CDHR2: variants seen among roughly 807,000 people sequenced by gnomAD.
The protein encoded by CDHR2 is cadherin related family member 2.
In CDHR2, 104 loss-of-function variants were observed where a neutral mutation model predicts 138.6. The observed-to-expected ratio is 0.75, with a 90% CI of 0.64 to 0.88. CDHR2 has a LOEUF of 0.88. CDHR2 is among the 40% of genes least tolerant of loss of function. CDHR2 has a pLI of 0.00. For synonymous variants in CDHR2, 755 were observed against 742.8 expected, an observed-to-expected ratio of 1.02 and a Z score of -0.27; for missense variants, 1,624 against 1,727.6, an observed-to-expected ratio of 0.94 and a Z score of 1.06.
intron 5 of CDHR2, among the ~76,000 whole-genome samples, chr5:176,570,825 T>A (rs1162782309): frequency 1.3e-5 from 2 of 151,550 alleles, no homozygotes; most frequent in Non-Finnish European, 2.9e-5. Context: ...GTGGTGCATG[T>A]CTGTAATCCC....
intron 1 of CDHR2, among the ~76,000 whole-genome samples, chr5:176,558,802 G>C (rs1185019490): frequency 6.6e-6 from 1 of 152,234 alleles, no homozygotes; most frequent in African/African-American, 2.4e-5. Context: ...TTACGGGCGT[G>C]AGCCACCGCG....
At position 176,571,287 on chromosome 5, in the gene CDHR2, C is replaced by T. The variant is rs1457075279; in HGVS notation, c.390C>T (p.Ser130=). The T allele has an allele frequency of 6.2e-7, 1 of 1,607,634 alleles. No individual in the cohort carries two copies. Among genetic ancestry groups the T allele is most frequent in the Admixed American group, 1.7e-5 (1 of 59,256 alleles). ...NAPVFQNTAF[S]TSINETLPVG... ...CCGTTTTCCAGAACACCGCTTTCTCCACCAGCATCAACGAGGTGACACCTG... is the reference window on the plus strand; with the variant it reads ...CCGTTTTCCAGAACACCGCTTTCTCTACCAGCATCAACGAGGTGACACCTG... The change falls in exon 6 of 32, where the codon TCC becomes TCT. Residue 130 remains serine (S), a synonymous_variant. Transcript: ENST00000261944.
At chr5:176,579,496 G>C (rs895757293) in intron 16 of CDHR2, among the ~76,000 whole-genome samples, 3 of 152,082 alleles carry the variant, frequency 2.0e-5, no homozygotes, top group Non-Finnish European at 4.4e-5. Flanking sequence ...TTCTCCCCTG[G>C]TCTGTGAGCT....
At chr5:176,592,508 TATG>T (rs1377033526) in intron 30 of CDHR2, among the ~76,000 whole-genome samples, 1 of 102,654 alleles carries the variant, frequency 9.7e-6, no homozygotes, top group East Asian at 3.2e-4. Flanking sequence ...TGATAGTGAT[TATG>T]ATGATAGTGG....
intron 1 of CDHR2, among the ~76,000 whole-genome samples, chr5:176,552,038 CAG>C (rs1487822969): frequency 1.3e-5 from 2 of 152,200 alleles, no homozygotes; most frequent in Admixed American, 6.5e-5. Context: ...AAGGAGCAAA[CAG>C]AGAAAAGAGC....
intron 1 of CDHR2, among the ~76,000 whole-genome samples, chr5:176,556,539 C>T (rs933098385): frequency 6.6e-6 from 1 of 152,290 alleles, no homozygotes; most frequent in East Asian, 1.9e-4. Context: ...GTGGCAGGCA[C>T]CTGTAGTCCC....
At chr5:176,578,826 G>A (rs79995604) in intron 16 of CDHR2, among the ~76,000 whole-genome samples, 1,956 of 152,192 alleles carry the variant, frequency 0.013, 26 homozygotes, top group Middle Eastern at 0.037. Flanking sequence ...CTCAGCACTG[G>A]GCCTGCCAGA....
intron 5 of CDHR2, 78 bp downstream of exon 5, chr5:176,569,088 G>A (rs1202249558): frequency 7.4e-7 from 1 of 1,354,662 alleles, no homozygotes; most frequent in Non-Finnish European, 1.0e-6. Flanking sequence ...CCGGCAAGCG[G>A]ACGGTGCCCC....
At position 176,585,998 on chromosome 5, in the gene CDHR2, T is replaced by C; in HGVS notation, c.2779T>C (p.Tyr927His). ...TGAGGACGTGAATGACAATGCACCC[T>C]ATTTTCTGCCTGAGAATAAGACTTT... ...TIEDVNDNAPYFLPENKTFVI... is the reference protein window; with the variant it reads ...TIEDVNDNAPHFLPENKTFVI... Residue 927 changes from tyrosine (Y) to histidine (H), a missense_variant, in exon 20 of 32, where the codon TAT becomes CAT. By Grantham distance (83) the Tyr-to-His change is moderately conservative. Around this residue, in one of 3 missense-constraint regions of CDHR2, gnomAD observed 556 missense variants for 565.7 expected, o/e 0.98. Transcript: ENST00000261944. The C allele has an allele frequency of 6.2e-7, 1 of 1,614,042 alleles. No homozygotes were observed. The highest frequency in any genetic ancestry group is 8.5e-7 in the Non-Finnish European group (1 of 1,179,936).
intron 1 of CDHR2, among the ~76,000 whole-genome samples, chr5:176,555,975 T>C (rs1244934054): frequency 6.6e-6 from 1 of 152,164 alleles, no homozygotes; most frequent in African/African-American, 2.4e-5. Flanking sequence ...GAAACATCCT[T>C]CCTGTGTCTC....
rs1034223113 is a variant in CDHR2 at position 176,553,092 on chromosome 5, C to T, written c.-16+3678C>T. ...ACACTTCCATGAGGGAGAAGCGTGG[C>T]GTGTATGGGGAAGGGGCTGTAGGGG... On this transcript the variant is annotated intron_variant, in intron 1 of 31. Coordinates refer to ENST00000261944, the MANE Select transcript of CDHR2 (RefSeq NM_017675.6). This position sits in a 1 kb window ranked among gnomAD's most constrained non-coding sequence, Gnocchi z 4.3. 1.3e-5 allele frequency among the ~76,000 whole-genome samples: 2 copies of T among 151,688 alleles called. No individual in the cohort carries two copies. Among genetic ancestry groups the T allele is most frequent in the Non-Finnish European group, 2.9e-5 (2 of 67,946 alleles).
At chr5:176,560,395 T>A (rs990386250) in intron 1 of CDHR2, among the ~76,000 whole-genome samples, 1 of 150,692 alleles carries the variant, frequency 6.6e-6, no homozygotes, top group Non-Finnish European at 1.5e-5. Flanking sequence ...AAACTCTGTC[T>A]CAATAAATAA....
Position 176,595,716 on chromosome 5 carries a change from C to G in CDHR2, c.*44C>G. 6.8e-7 allele frequency: 1 copy of G among 1,466,592 alleles called. No homozygotes were observed. The highest frequency in any genetic ancestry group is 9.1e-7 in the Non-Finnish European group (1 of 1,100,564). 90.8% of individuals were successfully genotyped at this position (1,466,592 alleles called of 1,614,324 possible). ...TGGACCCCTTGAAGAGGCCCTACCA[C>G]ACCCTAACTGCACCTGTCTCCCTGG... On this transcript the variant is annotated 3_prime_UTR_variant, in exon 32 of 32. Coordinates refer to ENST00000261944, the MANE Select transcript of CDHR2 (RefSeq NM_017675.6).
rs765840433 is a variant in CDHR2 at position 176,584,765 on chromosome 5, G to A, written c.2484G>A (p.Val828=). Residue 828 remains valine, a synonymous_variant, in exon 19 of 32, where the codon GTG becomes GTA. Transcript: ENST00000261944. The part of the protein sequence containing the change: ...VAENGSQHGQ[V]AVVVASDVDT... ...AGAATGGCTCACAGCACGGCCAGGTGGCTGTGGTGGTTGCCTCGGATGTGG... is the reference window on the plus strand; with the variant it reads ...AGAATGGCTCACAGCACGGCCAGGTAGCTGTGGTGGTTGCCTCGGATGTGG... 1 of 1,614,112 alleles carries A rather than the reference G, an allele frequency of 6.2e-7. No individual in the cohort carries two copies. The highest frequency in any genetic ancestry group is 8.5e-7 in the Non-Finnish European group (1 of 1,180,050).
chr5:176,582,024 G>T (rs1353355274), intron 17 of CDHR2, among the ~76,000 whole-genome samples: 3 of 152,044 alleles, frequency 2.0e-5, no homozygotes, highest in African/African-American at 2.4e-5. Context: ...TTTATCTATT[G>T]ATTTATTTAT....
intron 1 of CDHR2, among the ~76,000 whole-genome samples, chr5:176,562,504 G>A (rs1267204228): frequency 6.6e-6 from 1 of 152,048 alleles, no homozygotes; most frequent in Admixed American, 6.6e-5. Context: ...ATCAGGGCTC[G>A]GCTCTGGAAG....
At chr5:176,560,747 G>A (rs534736926) in intron 1 of CDHR2, among the ~76,000 whole-genome samples, 1 of 152,360 alleles carries the variant, frequency 6.6e-6, no homozygotes, top group Non-Finnish European at 1.5e-5. Flanking sequence ...TTTACTGAGG[G>A]AATGAATGAG....
intron 1 of CDHR2, 146 bp from the exon 2 acceptor site, chr5:176,565,192 A>G (rs2113278020): frequency 1.6e-6 from 1 of 642,196 alleles, no homozygotes; most frequent in Non-Finnish European, 2.8e-6. Context: ...GAGCATCTGG[A>G]AAATGGACAG....
chr5:176,566,507 C>T (rs1344774801), intron 3 of CDHR2, among the ~76,000 whole-genome samples: 2 of 152,188 alleles, frequency 1.3e-5, no homozygotes, highest in East Asian at 1.9e-4. Context: ...GCAAACAAGG[C>T]GGAGGTGAAT....
Sources: gnomAD v4.1 joint callset for allele counts (sites outside exome capture counted in the v4.1 genomes callset) on GRCh38, gnomAD v4.1.1 for gene constraint, gnomAD v4.1.1 regional missense constraint, Gnocchi (gnomAD v3.1) non-coding constraint, MANE v1.5 for transcripts, NCBI Gene and HGNC (gene_info 2026-07-23, HGNC 2026-07-21) for gene names.